Variants in SLC4A4 observed in about 807,000 individuals in gnomAD.
SLC4A4 encodes solute carrier family 4 member 4.
Under a neutral mutation model 111.5 loss-of-function variants are expected in SLC4A4, and 27 were observed. The ratio of observed to expected loss-of-function variants is 0.24; its 90% CI spans 0.18 to 0.33. The LOEUF (loss-of-function observed/expected upper bound fraction) is 0.33. SLC4A4 is among the 10% of genes least tolerant of loss of function. SLC4A4 has a pLI of 1.00. For synonymous variants in SLC4A4, 443 were observed against 463.4 expected, an observed-to-expected ratio of 0.96 and a Z score of 0.57; for missense variants, 909 against 1,315.5, an observed-to-expected ratio of 0.69 and a Z score of 4.78.
At chr4:71,356,806 A>C (rs576608303) in intron 5 of SLC4A4, among the ~76,000 whole-genome samples, 24 of 152,232 alleles carry the variant, frequency 1.6e-4, no homozygotes, top group Non-Finnish European at 2.9e-4. Flanking sequence ...TAAAATGAAT[A>C]CTCTAATATT....
chr4:71,357,249 C>T, intron 6 of SLC4A4, 62 bp downstream of exon 6: 1 of 1,496,662 alleles, frequency 6.7e-7, no homozygotes, highest in Non-Finnish European at 9.3e-7. Context: ...TTTACACCGT[C>T]TCCTGTCATC....
At chr4:71,532,323 C>T (rs1734006657) in intron 17 of SLC4A4, 148 bp downstream of exon 17, 5 of 660,762 alleles carry the variant, frequency 7.6e-6, no homozygotes, top group African/African-American at 1.8e-5. Context: ...CTCATATATA[C>T]ATGTAGTTTA....
chr4:71,335,576 A>G (rs552429235), intron 3 of SLC4A4, among the ~76,000 whole-genome samples: 6 of 152,346 alleles, frequency 3.9e-5, no homozygotes, highest in South Asian at 4.1e-4. Context: ...CTGTAATCCC[A>G]GCACTTTGGA....
intron 6 of SLC4A4, 95 bp downstream of exon 6, chr4:71,357,282 T>A: frequency 7.6e-7 from 1 of 1,324,368 alleles, no homozygotes; most frequent in Non-Finnish European, 1.1e-6. Flanking sequence ...CTTCTCCATA[T>A]TTTTTCTTTT....
intron 3 of SLC4A4, among the ~76,000 whole-genome samples, chr4:71,281,139 C>G (rs1440321706): frequency 1.3e-5 from 2 of 152,150 alleles, no homozygotes; most frequent in African/African-American, 2.4e-5. Context: ...TCCTGACTTG[C>G]GTTTGCATGC....
intron 2 of SLC4A4, among the ~76,000 whole-genome samples, chr4:71,250,262 A>G (rs1425106426): frequency 6.6e-6 from 1 of 152,206 alleles, no homozygotes; most frequent in African/African-American, 2.4e-5. Flanking sequence ...GGAAGGCAGT[A>G]TTTAACTCAT....
At chr4:71,236,705 A>G in intron 2 of SLC4A4, 56 bp downstream of exon 2, 8 of 1,369,520 alleles carry the variant, frequency 5.8e-6, no homozygotes, top group Non-Finnish European at 8.3e-6. Flanking sequence ...CTCTATAGAT[A>G]ATAACATTCA....
intron 1 of SLC4A4, among the ~76,000 whole-genome samples, chr4:71,210,154 G>A (rs982713837): frequency 1.2e-4 from 19 of 152,164 alleles, no homozygotes; most frequent in African/African-American, 3.1e-4. Context: ...CCTGGGTGTC[G>A]CCCTGAGCTC....
chr4:71,372,668 A>G (rs866139488), intron 6 of SLC4A4, among the ~76,000 whole-genome samples: 60 of 152,262 alleles, frequency 3.9e-4, no homozygotes, highest in Middle Eastern at 3.4e-3. Context: ...TTTTTCTGTC[A>G]TCTTATGCAC....
chr4:71,221,232 G>A (rs1374740668), intron 1 of SLC4A4, among the ~76,000 whole-genome samples: 1 of 152,154 alleles, frequency 6.6e-6, no homozygotes, highest in Non-Finnish European at 1.5e-5. Flanking sequence ...GGTATATACC[G>A]AGTAATGGAA....
rs2148932089 is a variant in SLC4A4, at chr4:71,075,701, G to A, written c.-65+12913G>A. ...AATAGCAATCACGGCCGGGCGCGGT[G>A]GCTCACGCCTGTAATCCCAGCATTT... is the stretch of plus-strand genomic sequence containing the variant. On this transcript the variant is annotated intron_variant, in intron 1 of 26. Transcript: ENST00000649996. Among the ~76,000 whole-genome samples the A allele has an allele frequency of 1.3e-5, 2 of 152,246 alleles. 1 individual carries two copies. Among genetic ancestry groups the A allele is most frequent in the African/African-American group, 4.8e-5 (2 of 41,558 alleles).
intron 3 of SLC4A4, among the ~76,000 whole-genome samples, chr4:71,265,150 G>A (rs1722143944): frequency 6.6e-6 from 1 of 152,076 alleles, no homozygotes; most frequent in Non-Finnish European, 1.5e-5. Flanking sequence ...AATACAATAG[G>A]ATAAATTTGA....
intron 14 of SLC4A4, among the ~76,000 whole-genome samples, chr4:71,481,662 G>T (rs1398492481): frequency 6.6e-6 from 1 of 151,696 alleles, no homozygotes; most frequent in Non-Finnish European, 1.5e-5. Flanking sequence ...CATCGCCAAG[G>T]TCTGATTTTT....
chr4:71,367,758 C>T (rs751344114), intron 6 of SLC4A4, among the ~76,000 whole-genome samples: 17 of 152,180 alleles, frequency 1.1e-4, no homozygotes, highest in Admixed American at 2.0e-4. Flanking sequence ...CACAGATGGC[C>T]TGCTCACAAG....
rs116302609 is a variant in SLC4A4 at position 71,182,152 on chromosome 4, A to T, written c.-1-54424A>T. On this transcript the variant is annotated intron_variant, in intron 2 of 26. Coordinates refer to the SLC4A4 transcript ENST00000649996. ...GAAGAGTTCTTGACACAAAATAAGTAGGTTCTTAATAAATATTGGTTGACT... is the reference window on the plus strand; with the variant it reads ...GAAGAGTTCTTGACACAAAATAAGTTGGTTCTTAATAAATATTGGTTGACT... Among the ~76,000 whole-genome samples the T allele has an allele frequency of 4.7e-3, 720 of 152,332 alleles. 3 individuals carry two copies. Among genetic ancestry groups the T allele is most frequent in the Non-Finnish European group, 6.6e-3 (447 of 68,028 alleles).
chr4:71,145,539 T>A (rs1744139107), intron 2 of SLC4A4, among the ~76,000 whole-genome samples: 1 of 152,186 alleles, frequency 6.6e-6, no homozygotes, highest in Non-Finnish European at 1.5e-5. Flanking sequence ...CTCCTCCTTG[T>A]ACCTCTGGTA....
intron 2 of SLC4A4, among the ~76,000 whole-genome samples, chr4:71,173,980 G>A (rs992500567): frequency 1.3e-5 from 2 of 152,080 alleles, no homozygotes; most frequent in Non-Finnish European, 2.9e-5. Flanking sequence ...GTAGGTGTTG[G>A]CCATATTATT....
intron 7 of SLC4A4, among the ~76,000 whole-genome samples, chr4:71,410,824 G>A (rs1721300512): frequency 6.6e-6 from 1 of 151,998 alleles, no homozygotes; most frequent in African/African-American, 2.4e-5. Flanking sequence ...GTATATACAG[G>A]CAAATTTTAT....
intron 3 of SLC4A4, among the ~76,000 whole-genome samples, chr4:71,297,896 TA>T (rs369411456): frequency 2.0e-5 from 3 of 152,302 alleles, no homozygotes; most frequent in African/African-American, 7.2e-5. Flanking sequence ...CCAGCATTGG[TA>T]AATCTTATGT....
Sources: allele counts gnomAD v4.1 joint callset (sites outside exome capture counted in the v4.1 genomes callset), GRCh38; gene constraint gnomAD v4.1.1; transcripts MANE v1.5; gene names NCBI Gene and HGNC (gene_info 2026-07-23, HGNC 2026-07-21).